PHACTR1: variants seen among roughly 807,000 people sequenced by gnomAD.
The protein encoded by PHACTR1 is phosphatase and actin regulator 1.
Under a neutral mutation model 69.2 loss-of-function variants are expected in PHACTR1, and 16 were observed. The ratio of observed to expected loss-of-function variants is 0.23; its 90% CI spans 0.16 to 0.35. The LOEUF (loss-of-function observed/expected upper bound fraction) is 0.35. PHACTR1 is among the 10% of genes least tolerant of loss of function. PHACTR1 has a pLI of 1.00. For synonymous variants in PHACTR1, 312 were observed against 284.5 expected (o/e 1.10, Z -0.97); for missense variants, 510 against 734.7 (o/e 0.69, Z 3.54).
intron 4 of PHACTR1, among the ~76,000 whole-genome samples, chr6:12,805,969 C>T (rs1009349999): frequency 1.3e-5 from 2 of 152,180 alleles, no homozygotes; most frequent in Admixed American, 1.3e-4. Flanking sequence ...ATGAAGCTTA[C>T]ATTCCTTGGT....
At chr6:12,919,893 C>T (rs966749882) in intron 4 of PHACTR1, among the ~76,000 whole-genome samples, 18 of 152,158 alleles carry the variant, frequency 1.2e-4, no homozygotes, top group African/African-American at 3.9e-4. Flanking sequence ...GGAAAGAGCA[C>T]TGGTTTTATT....
Position 13,283,917 on chromosome 6 carries a change from C to A in PHACTR1, c.1650+355C>A. Reference sequence around the variant, plus strand: ...TCCGTATAGGGGATGGTGCTGCCGGCATCCAACGAGGGATTCACCAAACCA... The same window carrying A: ...TCCGTATAGGGGATGGTGCTGCCGGAATCCAACGAGGGATTCACCAAACCA... On this transcript the variant is annotated intron_variant, in intron 13 of 14. Transcript: ENST00000332995. This position sits in a 1 kb window ranked among gnomAD's most constrained non-coding sequence, Gnocchi z 4.7. 4.0e-6 allele frequency: 1 copy of A among 252,218 alleles called. No individual in the cohort carries two copies. Among genetic ancestry groups the A allele is most frequent in the African/African-American group, 2.2e-5 (1 of 45,428 alleles). The allele number at this position is 252,218 out of a possible 1,614,324, so 15.6% of individuals were successfully genotyped here.
At chr6:13,191,451 C>T (rs982777764) in intron 7 of PHACTR1, among the ~76,000 whole-genome samples, 2 of 152,080 alleles carry the variant, frequency 1.3e-5, no homozygotes, top group African/African-American at 2.4e-5. Flanking sequence ...AGGGGAAAGC[C>T]GAGGCCAGAG....
chr6:12,890,352 C>T (rs1326243632), intron 4 of PHACTR1, among the ~76,000 whole-genome samples: 1 of 152,138 alleles, frequency 6.6e-6, no homozygotes, highest in Non-Finnish European at 1.5e-5. Flanking sequence ...CTTTCATTCC[C>T]TGCAGTCCCC....
intron 10 of PHACTR1, among the ~76,000 whole-genome samples, chr6:13,247,908 A>G (rs1031446713): frequency 6.6e-6 from 1 of 152,204 alleles, no homozygotes; most frequent in Non-Finnish European, 1.5e-5. Flanking sequence ...TGAAGGAGCT[A>G]CCATCGACAA....
At chr6:12,871,748 T>C (rs1469877163) in intron 4 of PHACTR1, among the ~76,000 whole-genome samples, 1 of 152,184 alleles carries the variant, frequency 6.6e-6, no homozygotes, top group African/African-American at 2.4e-5. Context: ...TCCTCGCCAA[T>C]CTTTCACCTA....
intron 4 of PHACTR1, among the ~76,000 whole-genome samples, chr6:12,898,652 C>G (rs9395214): frequency 0.52 from 78,445 of 152,124 alleles, 23,424 homozygotes; most frequent in East Asian, 0.91. Context: ...TTGGCCAGCT[C>G]CTGGCAGGAC....
At chr6:12,912,393 T>C (rs182986185) in intron 4 of PHACTR1, among the ~76,000 whole-genome samples, 23 of 152,334 alleles carry the variant, frequency 1.5e-4, no homozygotes, top group Admixed American at 7.8e-4. Flanking sequence ...GGTAATTTTT[T>C]CCATTATCTG....
At chr6:12,946,425 A>T (rs1020248025) in intron 4 of PHACTR1, among the ~76,000 whole-genome samples, 17 of 152,170 alleles carry the variant, frequency 1.1e-4, no homozygotes, top group African/African-American at 3.9e-4. Context: ...AAGCTCCGAG[A>T]TATGAGCGAT....
intron 5 of PHACTR1, among the ~76,000 whole-genome samples, chr6:13,145,694 G>A (rs11966433): frequency 0.24 from 36,675 of 152,000 alleles, 5,014 homozygotes; most frequent in African/African-American, 0.37. Flanking sequence ...CTGAGCACAC[G>A]AACCAAGGAA....
intron 4 of PHACTR1, among the ~76,000 whole-genome samples, chr6:12,948,323 G>C (rs1790901525): frequency 6.6e-6 from 1 of 152,098 alleles, no homozygotes; most frequent in Non-Finnish European, 1.5e-5. Flanking sequence ...TTGGGTTGAA[G>C]GGAAAATGTC....
intron 4 of PHACTR1, among the ~76,000 whole-genome samples, chr6:12,898,842 T>C (rs1159847909): frequency 6.6e-6 from 1 of 152,242 alleles, no homozygotes; most frequent in Non-Finnish European, 1.5e-5. Context: ...CACCCTTCTA[T>C]GTGTTGATCA....
chr6:13,051,274 G>A (rs1267740725), intron 4 of PHACTR1, among the ~76,000 whole-genome samples: 1 of 152,096 alleles, frequency 6.6e-6, no homozygotes, highest in African/African-American at 2.4e-5. Flanking sequence ...AGCTCTATGA[G>A]TTGGTATTTT....
At chr6:12,958,984 C>G (rs1792268035) in intron 4 of PHACTR1, among the ~76,000 whole-genome samples, 1 of 151,948 alleles carries the variant, frequency 6.6e-6, no homozygotes. Context: ...CAAGACCAGC[C>G]TGGCCAACAT....
chr6:12,863,047 T>G (rs1351777247), intron 4 of PHACTR1, among the ~76,000 whole-genome samples: 1 of 152,180 alleles, frequency 6.6e-6, no homozygotes, highest in East Asian at 1.9e-4. Flanking sequence ...GATAAATACA[T>G]CACAATAATC....
At chr6:13,148,465 C>G (rs188257864) in intron 5 of PHACTR1, among the ~76,000 whole-genome samples, 35 of 152,234 alleles carry the variant, frequency 2.3e-4, no homozygotes, top group Admixed American at 1.6e-3. Flanking sequence ...TCATATTTAC[C>G]TAGCTGACCC....
chr6:12,946,746 A>G (rs1790711186), intron 4 of PHACTR1, among the ~76,000 whole-genome samples: 1 of 151,266 alleles, frequency 6.6e-6, no homozygotes, highest in Non-Finnish European at 1.5e-5. Context: ...GGTGTCCAAT[A>G]TGGTAGAGGG....
At chr6:12,823,584 T>C (rs1206387740) in intron 4 of PHACTR1, among the ~76,000 whole-genome samples, 10 of 152,212 alleles carry the variant, frequency 6.6e-5, no homozygotes, top group Admixed American at 6.5e-4. Flanking sequence ...TGGAGATCCA[T>C]ATGGAATGTG....
In PHACTR1 at chr6:13,057,062, G is replaced by A. The variant is rs1390472065; in HGVS notation, c.415+3533G>A. On this transcript the variant is annotated intron_variant, in intron 5 of 14. Transcript: ENST00000332995. ...GTGCAAAACTACAGTTAGATAGAAG[G>A]AATAAAGTATAATATTTGATAATAG... 2.0e-5 allele frequency among the ~76,000 whole-genome samples: 3 copies of A among 152,052 alleles called. No individual in the cohort carries two copies. In the East Asian group the frequency reaches 5.8e-4, roughly 29 times the overall value.
Sources: gnomAD v4.1 joint callset for allele counts (sites outside exome capture counted in the v4.1 genomes callset) on GRCh38, gnomAD v4.1.1 for gene constraint, Gnocchi (gnomAD v3.1) non-coding constraint, MANE v1.5 for transcripts, NCBI Gene and HGNC (gene_info 2026-07-23, HGNC 2026-07-21) for gene names.